CDH4: variants seen among roughly 807,000 people sequenced by gnomAD.
CDH4 encodes cadherin 4.
CDH4 carries 33 observed loss-of-function variants against 86.0 expected under a neutral mutation model. That is an observed-to-expected ratio of 0.38 (90% confidence interval 0.29 to 0.51). The LOEUF (loss-of-function observed/expected upper bound fraction) is 0.51, where lower values mean the gene tolerates loss of function less well. CDH4 is among the 20% of genes least tolerant of loss of function. CDH4 has a pLI of 0.86. For synonymous variants in CDH4, 555 were observed against 549.4 expected, an observed-to-expected ratio of 1.01 and a Z score of -0.14; for missense variants, 1,114 against 1,307.4, an observed-to-expected ratio of 0.85 and a Z score of 2.28.
chr20:61,901,936 C>T (rs377277225), intron 8 of CDH4, among the ~76,000 whole-genome samples: 27 of 152,292 alleles, frequency 1.8e-4, no homozygotes, highest in African/African-American at 5.1e-4. Flanking sequence ...CGCAGTCGGC[C>T]GTGGCTCATC....
intron 2 of CDH4, among the ~76,000 whole-genome samples, chr20:61,564,711 G>A (rs151046052): frequency 5.3e-5 from 8 of 152,224 alleles, no homozygotes; most frequent in East Asian, 1.9e-4. Flanking sequence ...ATGCAAGAAC[G>A]GAGTAACACA....
chr20:61,329,216 G>A (rs368236061), intron 2 of CDH4, among the ~76,000 whole-genome samples: 58 of 151,148 alleles, frequency 3.8e-4, no homozygotes, highest in African/African-American at 1.3e-3. Context: ...GTTGGAGACT[G>A]TCTGTACTTG....
intron 4 of CDH4, among the ~76,000 whole-genome samples, chr20:61,827,676 C>T (rs541500945): frequency 6.6e-6 from 1 of 152,186 alleles, no homozygotes; most frequent in Non-Finnish European, 1.5e-5. Flanking sequence ...CTCTAAAGAC[C>T]GTTTCCTACC....
intron 2 of CDH4, among the ~76,000 whole-genome samples, chr20:61,661,745 G>T (rs2087260021): frequency 6.6e-6 from 1 of 152,136 alleles, no homozygotes; most frequent in Non-Finnish European, 1.5e-5. Context: ...TCCACTTTGG[G>T]TCTGGACTGA....
At chr20:61,362,891 A>T (rs760570847) in intron 2 of CDH4, among the ~76,000 whole-genome samples, 2 of 152,216 alleles carry the variant, frequency 1.3e-5, no homozygotes, top group Non-Finnish European at 2.9e-5. Context: ...GAGTCCAAAG[A>T]TGCCATTCCT....
chr20:61,811,860 T>C lies in CDH4; in HGVS notation c.577-32808T>C, dbSNP rs981535226. On this transcript the variant is annotated intron_variant, in intron 4 of 15. Transcript: ENST00000614565. The surrounding 1 kb of genome is among the most constrained non-coding windows in gnomAD (Gnocchi z 4.4). ...TTAATTTTTGTATTTTTAGTAGAGA[T>C]GGGGTTTCACCATGTTGGCCAGGCT... Among the ~76,000 whole-genome samples, 3 of 151,950 alleles carry C rather than the reference T, an allele frequency of 2.0e-5. No homozygotes were observed.
chr20:61,417,610 T>G lies in CDH4; in HGVS notation c.169+162673T>G, dbSNP rs2085153982. 6.6e-6 allele frequency among the ~76,000 whole-genome samples: 1 copy of G among 152,244 alleles called. No individual in the cohort carries two copies. Among genetic ancestry groups the G allele is most frequent in the African/African-American group, 2.4e-5 (1 of 41,468 alleles). ...GCTGGAATGCATTTCTGTATCGCTA[T>G]CTAGCAGGGCTGTAAATTGGCAGCG... On this transcript the variant is annotated intron_variant, in intron 2 of 15. Transcript: ENST00000614565. The surrounding 1 kb of genome is among the most constrained non-coding windows in gnomAD (Gnocchi z 4.0).
At chr20:61,821,624 G>A (rs1366689852) in intron 4 of CDH4, among the ~76,000 whole-genome samples, 1 of 152,232 alleles carries the variant, frequency 6.6e-6, no homozygotes, top group Admixed American at 6.5e-5. Context: ...CGCAGTTAAG[G>A]AGATGTCACC....
chr20:61,766,599 G>C (rs2088700925), intron 3 of CDH4, among the ~76,000 whole-genome samples: 1 of 152,208 alleles, frequency 6.6e-6, no homozygotes, highest in African/African-American at 2.4e-5. Flanking sequence ...ATGAGGGACT[G>C]AGATCGGGGA....
intron 2 of CDH4, among the ~76,000 whole-genome samples, chr20:61,615,919 T>C (rs1259065339): frequency 6.6e-6 from 1 of 152,140 alleles, no homozygotes. Context: ...CGCTGCTGGC[T>C]GGATTTTCAG....
intron 2 of CDH4, among the ~76,000 whole-genome samples, chr20:61,536,872 G>A (rs555783680): frequency 4.7e-4 from 71 of 152,306 alleles, no homozygotes; most frequent in African/African-American, 1.7e-3. Flanking sequence ...TGTGTTCAGC[G>A]CAGGGGCTGG....
chr20:61,511,349 A>G (rs2085778518), intron 2 of CDH4, among the ~76,000 whole-genome samples: 1 of 152,118 alleles, frequency 6.6e-6, no homozygotes, highest in Non-Finnish European at 1.5e-5. Context: ...CTGCCCCTCT[A>G]ACTCCACGGC....
chr20:61,932,284 G>A (rs908042320), intron 13 of CDH4, among the ~76,000 whole-genome samples: 1 of 145,296 alleles, frequency 6.9e-6, no homozygotes, highest in African/African-American at 2.6e-5. Flanking sequence ...CTTCTCAAAA[G>A]GGGAGTGCAA....
intron 2 of CDH4, among the ~76,000 whole-genome samples, chr20:61,405,838 G>A (rs1024963525): frequency 8.6e-5 from 13 of 152,026 alleles, no homozygotes; most frequent in South Asian, 2.1e-4. Flanking sequence ...CCGCCATCAC[G>A]CCCAGCTAAT....
chr20:61,897,944 C>G (rs1277442176), intron 8 of CDH4, among the ~76,000 whole-genome samples: 1 of 152,240 alleles, frequency 6.6e-6, no homozygotes, highest in Non-Finnish European at 1.5e-5. Flanking sequence ...TTTGGTCAGG[C>G]CGGCGGGGTG....
At chr20:61,276,826 A>G (rs1464281387) in intron 2 of CDH4, among the ~76,000 whole-genome samples, 2 of 152,134 alleles carry the variant, frequency 1.3e-5, no homozygotes, top group East Asian at 1.9e-4. Flanking sequence ...CACATTGTTC[A>G]TTGCTGTTAT....
chr20:61,300,950 T>A (rs1600847762), intron 2 of CDH4, among the ~76,000 whole-genome samples: 1 of 152,274 alleles, frequency 6.6e-6, no homozygotes, highest in Non-Finnish European at 1.5e-5. Context: ...CCCCGGCCCC[T>A]GCAGCTGGCA....
chr20:61,279,183 G>A (rs764947697), intron 2 of CDH4, among the ~76,000 whole-genome samples: 13 of 152,226 alleles, frequency 8.5e-5, no homozygotes, highest in Non-Finnish European at 8.8e-5. Flanking sequence ...GAGCATCTGG[G>A]AACATTCTAC....
At chr20:61,560,581 C>A (rs1411833572) in intron 2 of CDH4, among the ~76,000 whole-genome samples, 6 of 152,238 alleles carry the variant, frequency 3.9e-5, no homozygotes, top group Admixed American at 3.9e-4. Flanking sequence ...TTACCCCGCC[C>A]TGCACTCCAG....
Sources: allele counts gnomAD v4.1 joint callset (sites outside exome capture counted in the v4.1 genomes callset), GRCh38; gene constraint gnomAD v4.1.1; non-coding constraint Gnocchi (gnomAD v3.1); transcripts MANE v1.5; gene names NCBI Gene and HGNC (gene_info 2026-07-23, HGNC 2026-07-21).